The following NCKIPSD variants were observed in gnomAD, a reference collection of about 807,000 sequenced individuals.
NCKIPSD encodes NCK interacting protein with SH3 domain, also known as NCK-interacting protein with SH3 domain.
A neutral mutation model predicts 73.4 loss-of-function variants in NCKIPSD; 48 were observed. The observed-to-expected ratio is 0.65, with a 90% CI of 0.52 to 0.83. NCKIPSD has a LOEUF of 0.83. Ranked by LOEUF, NCKIPSD falls within the 40% of genes least tolerant of loss-of-function variation. The pLI, the probability that NCKIPSD is intolerant of heterozygous loss-of-function variation, is 0.00. For missense variants in NCKIPSD, 884 were observed against 970.2 expected, an observed-to-expected ratio of 0.91 and a Z score of 1.18; for synonymous variants, 422 against 403.6, an observed-to-expected ratio of 1.05 and a Z score of -0.54.
intron 1 of NCKIPSD, 56 bp downstream of exon 1, chr3:48,685,581 T>C: frequency 6.8e-7 from 1 of 1,470,430 alleles, no homozygotes; most frequent in South Asian, 1.3e-5. Context: ...TCCGCGGGGC[T>C]GTGAAGGGGT....
Position 48,685,747 on chromosome 3 carries a change from C to T in NCKIPSD, c.61G>A (p.Gly21Ser). Residue 21 changes from glycine to serine, a missense_variant, in exon 1 of 13, where the codon GGC becomes AGC. Transcript: ENST00000294129. ...CGCTCTAGCACCAGGAAGGTCTCGC[C>T]CGCGGCGAACGCCAGCGCGTTGGGC... ...AEPNALAFAA[G>S]ETFLVLERSS... The T allele has an allele frequency of 2.0e-6, 3 of 1,532,432 alleles. No homozygotes were observed. The highest frequency in any genetic ancestry group is 2.6e-6 in the Non-Finnish European group (3 of 1,147,942). 94.9% of individuals were successfully genotyped at this position (1,532,432 alleles called of 1,614,324 possible).
chr3:48,678,834 C>T lies in NCKIPSD; in HGVS notation c.1792+43G>A, dbSNP rs756017194. The stretch of plus-strand genomic sequence containing the variant: ...AGTCATTGCAGGGGTCATGGAGTCA[C>T]AGGGCATGGAAGTGGTACCCGCGCA... On this transcript the variant is annotated intron_variant, in intron 11 of 12. Coordinates refer to ENST00000294129, the MANE Select transcript of NCKIPSD (RefSeq NM_016453.4). 3.1e-6 allele frequency: 5 copies of T among 1,613,566 alleles called. No homozygotes were observed. In the East Asian group the frequency reaches 8.9e-5, roughly 29 times the overall value.
intron 12 of NCKIPSD, among the ~76,000 whole-genome samples, chr3:48,675,138 C>T (rs993525812): frequency 3.3e-5 from 5 of 152,034 alleles, no homozygotes; most frequent in African/African-American, 1.2e-4. Flanking sequence ...TTACCTAGAA[C>T]TCCCCTGTGA....
Position 48,679,866 on chromosome 3 carries a change from A to C in NCKIPSD, c.1285T>G (p.Cys429Gly), listed in dbSNP as rs777076829. ...HILTDADPEV[C>G]KKMCKRNEFE... is the part of the protein sequence containing the mutation. ...TCGTTTCTCTTGCACATTTTCTTGCAAACTTCAGGGTCTGCATCAGTCTAC... is the reference window on the plus strand; with the variant it reads ...TCGTTTCTCTTGCACATTTTCTTGCCAACTTCAGGGTCTGCATCAGTCTAC... The change falls in exon 7 of 13, where the codon TGC becomes GGC. Residue 429 changes from cysteine to glycine, a missense_variant. Cys to Gly is a radical substitution (Grantham distance 159, BLOSUM62 -3). Transcript: ENST00000294129. The C allele has an allele frequency of 5.0e-6, 8 of 1,614,096 alleles. No homozygotes were observed. In the Admixed American group the frequency reaches 1.3e-4, roughly 27 times the overall value.
intron 5 of NCKIPSD, 93 bp from the exon 6 acceptor site, chr3:48,680,322 T>C: frequency 7.3e-7 from 1 of 1,365,916 alleles, no homozygotes; most frequent in East Asian, 2.5e-5. Flanking sequence ...TCTGTGGACT[T>C]TTACTCCATG....
intron 12 of NCKIPSD, among the ~76,000 whole-genome samples, 182 bp downstream of exon 12, chr3:48,678,381 CA>C (rs2077286305): frequency 6.6e-6 from 1 of 152,220 alleles, no homozygotes; most frequent in South Asian, 2.1e-4. Flanking sequence ...CCTCCAGCCC[CA>C]CCACCTCCAG....
intron 12 of NCKIPSD, 79 bp downstream of exon 12, chr3:48,678,485 C>T: frequency 6.7e-7 from 1 of 1,484,966 alleles, no homozygotes. Flanking sequence ...CCCCTCATCT[C>T]CACTCAATGT....
intron 3 of NCKIPSD, 26 bp downstream of exon 3, chr3:48,682,322 T>A: frequency 6.2e-7 from 1 of 1,611,862 alleles, no homozygotes; most frequent in Non-Finnish European, 8.5e-7. Context: ...CCCACCTCCC[T>A]TCTCCACGAT....
Position 48,674,743 on chromosome 3 carries a change from C to A in NCKIPSD, c.1970G>T (p.Arg657Leu). ...ATGCATCAGGGAGAGGTACTCCATGCGCAGCTGTGGGAAGAGCAGGCCAGC... is the reference window on the plus strand; with the variant it reads ...ATGCATCAGGGAGAGGTACTCCATGAGCAGCTGTGGGAAGAGCAGGCCAGC... The part of the protein sequence containing the change: ...IADLSPGDKL[R>L]MEYLSLMHAI... The change falls in exon 13 of 13, where the codon CGC becomes CTC. Residue 657 changes from arginine to leucine, a missense_variant. By Grantham distance (102) the Arg-to-Leu change is moderately radical. Transcript: ENST00000294129. 1 of 1,613,748 alleles carries A rather than the reference C, an allele frequency of 6.2e-7. No individual in the cohort carries two copies. The highest frequency in any genetic ancestry group is 8.5e-7 in the Non-Finnish European group (1 of 1,179,886).
chr3:48,685,581 T>G, intron 1 of NCKIPSD, 56 bp downstream of exon 1: 1 of 1,470,430 alleles, frequency 6.8e-7, no homozygotes, highest in Non-Finnish European at 8.9e-7. Context: ...TCCGCGGGGC[T>G]GTGAAGGGGT....
chr3:48,677,416 A>C lies in NCKIPSD; in HGVS notation c.1965+1148T>G, dbSNP rs148570438. 5.6e-3 allele frequency among the ~76,000 whole-genome samples: 853 copies of C among 151,610 alleles called. 8 individuals are homozygous for C. The highest frequency in any genetic ancestry group is 0.02 in the African/African-American group (811 of 41,306). On this transcript the variant is annotated intron_variant, in intron 12 of 12. Transcript: ENST00000294129. ...CAAACAACAACAACAAAAAACCCCC[A>C]AAAAAACACTCTCCCTATCCCCATG...
intron 11 of NCKIPSD, 23 bp downstream of exon 11, chr3:48,678,854 C>T (rs893736524): frequency 2.5e-6 from 4 of 1,613,660 alleles, no homozygotes; most frequent in Non-Finnish European, 3.4e-6. Context: ...AAGTGGTACC[C>T]GCGCAGATTC....
At position 48,683,957 on chromosome 3, in the gene NCKIPSD, CAG is replaced by C. The variant is rs760361529; in HGVS notation, c.172-947_172-946del. Among the ~76,000 whole-genome samples the C allele has an allele frequency of 9.7e-5, 14 of 143,620 alleles. No individual in the cohort carries two copies. In the East Asian group the frequency reaches 1.5e-3, roughly 15 times the overall value. The allele number at this position is 143,620 out of a possible 152,430, so 94.2% of individuals were successfully genotyped here. The stretch of plus-strand genomic sequence containing the variant: ...TGTGCCAGAGTGCAGGGAGAGGAGA[CAG>C]GGGGATAGAAAGACATGAAGACACA... On this transcript the variant is annotated intron_variant, in intron 1 of 12. Coordinates refer to ENST00000294129, the MANE Select transcript of NCKIPSD (RefSeq NM_016453.4).
chr3:48,680,957 C>T (rs9877501), intron 5 of NCKIPSD, among the ~76,000 whole-genome samples: 1 of 151,850 alleles, frequency 6.6e-6, no homozygotes. Context: ...ACCCGCATGT[C>T]GTCTTATCTG....
At position 48,682,398 on chromosome 3, in the gene NCKIPSD, G is replaced by A. The variant is rs1331483187; in HGVS notation, c.436C>T (p.His146Tyr). The change falls in exon 3 of 13, where the codon CAC (histidine) becomes TAC (tyrosine). Residue 146 changes from histidine to tyrosine, a missense_variant. His to Tyr is a moderately conservative substitution (Grantham distance 83, BLOSUM62 2). Transcript: ENST00000294129. ...GVCRAGFERQHSLPSSEHLGA... is the reference protein window; with the variant it reads ...GVCRAGFERQYSLPSSEHLGA... ...AGATGCTCAGAACTGGGTAGGCTGT[G>A]CTGCCGCTCGAACCCAGCTCGACAC... 5 of 1,614,150 alleles carry A rather than the reference G, an allele frequency of 3.1e-6. No homozygotes were observed. The highest frequency in any genetic ancestry group is 4.2e-6 in the Non-Finnish European group (5 of 1,180,018).
At position 48,674,515 on chromosome 3, in the gene NCKIPSD, A is replaced by G. The variant is rs948978982; in HGVS notation, c.*29T>C. 3.8e-6 allele frequency: 6 copies of G among 1,561,536 alleles called. No homozygotes were observed. The African/African-American group carries it at 6.8e-5, about 18-fold the overall frequency. On this transcript the variant is annotated 3_prime_UTR_variant, in exon 13 of 13. Transcript: ENST00000294129. ...CCTGAGTCCCCTGCACACTGACTGG[A>G]GCTGCAGGGAAGGGAGGACAGCAAG...
chr3:48,678,670 T>C lies in NCKIPSD; in HGVS notation c.1859A>G (p.Asp620Gly). Residue 620 changes from aspartate (D) to glycine (G), a missense_variant, in exon 12 of 13, where the codon GAC (aspartate) becomes GGC (glycine). Asp to Gly is a moderately conservative substitution (Grantham distance 94). Transcript: ENST00000294129. ...PPHSVLKFLQ[D>G]VFGSPATAAI... is the part of the protein sequence containing the mutation. ...AGCTGTGGCCGGGCTGCCAAACACGTCCTGCAGGAACTTGAGGACAGAGTG... is the reference window on the plus strand; with the variant it reads ...AGCTGTGGCCGGGCTGCCAAACACGCCCTGCAGGAACTTGAGGACAGAGTG... 6.2e-7 allele frequency: 1 copy of C among 1,614,170 alleles called. No homozygotes were observed. Among genetic ancestry groups the C allele is most frequent in the Non-Finnish European group, 8.5e-7 (1 of 1,180,026 alleles).
chr3:48,673,966 C>CA lies in NCKIPSD; in HGVS notation c.*577dup. 1 of 1,067,280 alleles carries CA rather than the reference C, an allele frequency of 9.4e-7. No individual in the cohort carries two copies. The allele number at this position is 1,067,280 out of a possible 1,614,324, so 66.1% of individuals were successfully genotyped here. ...CGGTCATTGGCTTTCTCAGTGCCAT[C>CA]ATCCTGTTCCATGAGGCTCCAGGAT... On this transcript the variant is annotated 3_prime_UTR_variant, in exon 13 of 13. Coordinates refer to ENST00000294129, the MANE Select transcript of NCKIPSD (RefSeq NM_016453.4).
chr3:48,683,165 T>C lies in NCKIPSD; in HGVS notation c.172-153A>G, dbSNP rs2077383358. 7 of 1,383,590 alleles carry C rather than the reference T, an allele frequency of 5.1e-6. No homozygotes were observed. In the African/African-American group the frequency reaches 5.7e-5, roughly 11 times the overall value. The allele number at this position is 1,383,590 out of a possible 1,614,324, so 85.7% of individuals were successfully genotyped here. On this transcript the variant is annotated intron_variant, in intron 1 of 12. Transcript: ENST00000294129. The stretch of plus-strand genomic sequence containing the variant: ...CAAAAAGTTGAACCAGAATATGGAA[T>C]GGGGTTCTCAAACTGTATCACTCAG...
Sources: allele counts gnomAD v4.1 joint callset (sites outside exome capture counted in the v4.1 genomes callset), GRCh38; gene constraint gnomAD v4.1.1; transcripts MANE v1.5; gene names NCBI Gene and HGNC (gene_info 2026-07-23, HGNC 2026-07-21).